Variants in HSD17B3 observed in about 807,000 individuals in gnomAD.
HSD17B3 encodes 17-beta-hydroxysteroid dehydrogenase type 3.
HSD17B3 carries 29 observed loss-of-function variants against 41.1 expected under a neutral mutation model. The observed-to-expected ratio is 0.71, with a 90% confidence interval of 0.53 to 0.96. The LOEUF is 0.96. Among genes scored for constraint, HSD17B3 ranks in the 40% least tolerant of loss-of-function variants. The probability of loss-of-function intolerance (pLI) is 0.00; values close to 1 mark genes in which losing one functional copy is unlikely to be tolerated. For missense variants in HSD17B3, 323 were observed against 374.6 expected (o/e 0.86, Z 1.14); for synonymous variants, 126 against 145.6 (o/e 0.87, Z 0.97).
intron 2 of HSD17B3, among the ~76,000 whole-genome samples, chr9:96,274,351 C>T (rs1276507314): frequency 6.6e-6 from 1 of 152,156 alleles, no homozygotes; most frequent in Non-Finnish European, 1.5e-5. Context: ...TCCCAGCTGG[C>T]TCAGGAGGCT....
intron 5 of HSD17B3, among the ~76,000 whole-genome samples, chr9:96,250,878 A>G (rs1587726550): frequency 7.2e-6 from 1 of 138,722 alleles, no homozygotes. Context: ...ACAGAGGGAG[A>G]CTCCATCTCA....
chr9:96,286,586 A>T (rs1174250149), intron 2 of HSD17B3, among the ~76,000 whole-genome samples: 2 of 151,816 alleles, frequency 1.3e-5, no homozygotes, highest in Non-Finnish European at 1.5e-5. Context: ...GCTACTCAGG[A>T]GGCTGAGGCA....
intron 2 of HSD17B3, among the ~76,000 whole-genome samples, chr9:96,283,531 T>C (rs1188549656): frequency 6.6e-6 from 1 of 152,160 alleles, no homozygotes; most frequent in African/African-American, 2.4e-5. Flanking sequence ...CTGTCAAATA[T>C]AAAATAGTGT....
At chr9:96,294,048 C>T (rs1449138168) in intron 2 of HSD17B3, among the ~76,000 whole-genome samples, 1 of 152,138 alleles carries the variant, frequency 6.6e-6, no homozygotes, top group African/African-American at 2.4e-5. Context: ...AGAACAGGAT[C>T]TCTGGAAGGG....
intron 2 of HSD17B3, among the ~76,000 whole-genome samples, chr9:96,287,932 TG>T (rs1826989740): frequency 6.7e-6 from 1 of 149,012 alleles, no homozygotes; most frequent in Admixed American, 6.7e-5. Flanking sequence ...ATAAACAAAA[TG>T]GAGTATATCC....
At chr9:96,301,611 C>T (rs1005415234) in intron 1 of HSD17B3, among the ~76,000 whole-genome samples, 9 of 148,168 alleles carry the variant, frequency 6.1e-5, no homozygotes, top group East Asian at 6.0e-4. Flanking sequence ...CTTGGGAGGC[C>T]GAGGCAGGAG....
At chr9:96,280,248 T>C (rs142160903) in intron 2 of HSD17B3, among the ~76,000 whole-genome samples, 74 of 152,282 alleles carry the variant, frequency 4.9e-4, no homozygotes, top group African/African-American at 1.6e-3. Flanking sequence ...ATTCGATTGG[T>C]TGGGAGACTT....
intron 7 of HSD17B3, 97 bp from the exon 8 acceptor site, chr9:96,245,523 C>T (rs1359215650): frequency 2.2e-6 from 2 of 896,582 alleles, no homozygotes; most frequent in Non-Finnish European, 3.7e-6. Flanking sequence ...CTGCCGGACT[C>T]GACCCTTTCT....
chr9:96,260,183 G>A (rs1825809744), intron 2 of HSD17B3, among the ~76,000 whole-genome samples: 1 of 152,096 alleles, frequency 6.6e-6, no homozygotes, highest in East Asian at 1.9e-4. Context: ...ATAAACTGCT[G>A]GATTCAGTTT....
chr9:96,297,341 CTTTTTTT>C (rs71368242), intron 2 of HSD17B3, among the ~76,000 whole-genome samples: 2 of 73,574 alleles, frequency 2.7e-5, no homozygotes, highest in African/African-American at 1.1e-4. Flanking sequence ...TTATTGATTT[CTTTTTTT>C]TTTTTTTTTT....
chr9:96,250,815 G>A (rs1226962454), intron 5 of HSD17B3, among the ~76,000 whole-genome samples: 1 of 151,668 alleles, frequency 6.6e-6, no homozygotes, highest in Non-Finnish European at 1.5e-5. Flanking sequence ...TTGAACCCGG[G>A]AGGCAGAGGT....
intron 2 of HSD17B3, among the ~76,000 whole-genome samples, chr9:96,297,777 C>T (rs1827422379): frequency 6.6e-6 from 1 of 152,074 alleles, no homozygotes; most frequent in African/African-American, 2.4e-5. Context: ...ATAGGAATTC[C>T]AGGAAACAAT....
chr9:96,297,292 A>G (rs528954855), intron 2 of HSD17B3, among the ~76,000 whole-genome samples: 1 of 145,268 alleles, frequency 6.9e-6, no homozygotes, highest in African/African-American at 2.5e-5. Context: ...TTATTTTTCT[A>G]TTGCAAATGG....
rs8190547 is a variant in HSD17B3, at chr9:96,246,727, G to A, written c.490-137C>T. On this transcript the variant is annotated intron_variant, in intron 6 of 10. Coordinates refer to ENST00000375263, the MANE Select transcript of HSD17B3 (RefSeq NM_000197.2). ...TCTCAGACGGCCTTGAAAATTGCTGGCACTCATTGGAGGTCACTCTGGCCA... is the reference window on the plus strand; with the variant it reads ...TCTCAGACGGCCTTGAAAATTGCTGACACTCATTGGAGGTCACTCTGGCCA... The A allele has an allele frequency of 3.7e-4, 292 of 782,788 alleles. No homozygotes were observed. The East Asian group carries it at 7.2e-3, about 19-fold the overall frequency. 48.5% of individuals were successfully genotyped at this position (782,788 alleles called of 1,614,324 possible).
chr9:96,287,105 C>T (rs1826951840), intron 2 of HSD17B3, among the ~76,000 whole-genome samples: 1 of 152,130 alleles, frequency 6.6e-6, no homozygotes, highest in South Asian at 2.1e-4. Flanking sequence ...GTAGAGACGT[C>T]CACCCAACAG....
intron 1 of HSD17B3, among the ~76,000 whole-genome samples, chr9:96,300,209 G>GACACACACACAC (rs55707445): frequency 0.026 from 2,979 of 116,324 alleles, 173 homozygotes; most frequent in Non-Finnish European, 0.037. Flanking sequence ...ACCCCAAGAG[G>GACACACACACAC]ACACACACAC....
chr9:96,271,770 T>C (rs1319212495), intron 2 of HSD17B3, among the ~76,000 whole-genome samples: 1 of 152,166 alleles, frequency 6.6e-6, no homozygotes, highest in Non-Finnish European at 1.5e-5. Flanking sequence ...CTAATCTTCA[T>C]CATACTATCA....
In HSD17B3 at chr9:96,288,439, T is replaced by G. The variant is rs546478313; in HGVS notation, c.201+9977A>C. ...AACACCACAAAGGTATTGTCACAAG[T>G]TCCCCCCAACCTGCAATCTCCACAG... On this transcript the variant is annotated intron_variant, in intron 2 of 10. Transcript: ENST00000375263. Among the ~76,000 whole-genome samples, 12 of 152,242 alleles carry G rather than the reference T, an allele frequency of 7.9e-5. No homozygotes were observed. The South Asian group carries it at 2.3e-3, about 29-fold the overall frequency.
chr9:96,300,305 A>ATTTG (rs1554705325), intron 1 of HSD17B3, among the ~76,000 whole-genome samples: 4 of 145,176 alleles, frequency 2.8e-5, no homozygotes, highest in Admixed American at 7.5e-5. Context: ...GTCATCCCAA[A>ATTTG]CAATTTCTCA....
Sources: allele counts gnomAD v4.1 joint callset (sites outside exome capture counted in the v4.1 genomes callset), GRCh38; gene constraint gnomAD v4.1.1; transcripts MANE v1.5; gene names NCBI Gene and HGNC (gene_info 2026-07-23, HGNC 2026-07-21).